The following STK39 variants were observed in gnomAD, a reference collection of about 807,000 sequenced individuals.
STK39 encodes STE20/SPS1-related proline-alanine-rich protein kinase.
In STK39, 20 loss-of-function variants were observed where a neutral mutation model predicts 77.8. The ratio of observed to expected loss-of-function variants is 0.26; its 90% CI spans 0.18 to 0.37. The LOEUF (loss-of-function observed/expected upper bound fraction) is 0.37. Ranked by LOEUF, STK39 falls within the 10% of genes least tolerant of loss-of-function variation. The pLI, the probability that STK39 is intolerant of heterozygous loss-of-function variation, is 1.00. For synonymous variants in STK39, 246 were observed against 234.1 expected (o/e 1.05, Z -0.47); for missense variants, 479 against 656.5 (o/e 0.73, Z 2.95).
At chr2:168,236,167 T>A (rs1439842993) in intron 1 of STK39, among the ~76,000 whole-genome samples, 1 of 152,166 alleles carries the variant, frequency 6.6e-6, no homozygotes, top group Non-Finnish European at 1.5e-5. Flanking sequence ...TGAGATGGTA[T>A]CTCATTGTGG....
At chr2:168,109,193 A>G (rs574981004) in intron 10 of STK39, among the ~76,000 whole-genome samples, 1 of 152,348 alleles carries the variant, frequency 6.6e-6, no homozygotes, top group South Asian at 2.1e-4. Context: ...ACCCAACTTA[A>G]AATATTGCTA....
chr2:168,080,258 G>T (rs1346729456), intron 10 of STK39, among the ~76,000 whole-genome samples: 1 of 152,174 alleles, frequency 6.6e-6, no homozygotes, highest in Non-Finnish European at 1.5e-5. Flanking sequence ...GGTGACTTGG[G>T]TGCTGTTAAA....
intron 16 of STK39, among the ~76,000 whole-genome samples, chr2:167,977,176 C>T (rs1683299362): frequency 6.6e-6 from 1 of 152,166 alleles, no homozygotes; most frequent in African/African-American, 2.4e-5. Flanking sequence ...CTGGCTGATA[C>T]TGGATCTGTC....
chr2:168,065,850 T>TA (rs1472229094), intron 12 of STK39, among the ~76,000 whole-genome samples: 4 of 152,188 alleles, frequency 2.6e-5, no homozygotes, highest in African/African-American at 9.7e-5. Flanking sequence ...TCACTGTATT[T>TA]AAAAAATACA....
At chr2:167,955,603 T>G in intron 17 of STK39, 33 bp from the exon 18 acceptor site, 4 of 1,603,654 alleles carry the variant, frequency 2.5e-6, no homozygotes, top group Non-Finnish European at 3.4e-6. Context: ...TCAATGCTGG[T>G]TTGCTGCTGC....
At chr2:168,241,941 C>T (rs1333403809) in intron 1 of STK39, among the ~76,000 whole-genome samples, 2 of 152,348 alleles carry the variant, frequency 1.3e-5, no homozygotes, top group Middle Eastern at 3.4e-3. Context: ...CATTGCAGGA[C>T]ATGAAACAGG....
chr2:168,091,857 C>T (rs1273632578), intron 10 of STK39, among the ~76,000 whole-genome samples: 1 of 152,100 alleles, frequency 6.6e-6, no homozygotes, highest in African/African-American at 2.4e-5. Flanking sequence ...TATCATTTTA[C>T]CTGTAAATAC....
chr2:168,082,842 T>C (rs1686272665), intron 10 of STK39, among the ~76,000 whole-genome samples: 1 of 152,182 alleles, frequency 6.6e-6, no homozygotes, highest in Non-Finnish European at 1.5e-5. Flanking sequence ...CCTAACCCAT[T>C]TGTTAATCCT....
chr2:168,242,561 ATATATATATATAT>A lies in STK39; in HGVS notation c.208+4654_208+4666del, dbSNP rs1170655422. On this transcript the variant is annotated intron_variant, in intron 1 of 17. Coordinates refer to ENST00000355999, the MANE Select transcript of STK39 (RefSeq NM_013233.3). ...AAGACTCTTACAAAAAAAAAAAAAA[ATATATATATATAT>A]ATATATATATATATATATATATAAA... 1.9e-4 allele frequency among the ~76,000 whole-genome samples: 13 copies of A among 68,268 alleles called. 2 individuals carry two copies. Among genetic ancestry groups the A allele is most frequent in the East Asian group, 5.3e-4 (1 of 1,898 alleles). The allele number at this position is 68,268 out of a possible 152,430, so 44.8% of individuals were successfully genotyped here.
Position 168,247,557 on chromosome 2 carries a change from C to CCGCCGCCGT in STK39, c.-123_-122insACGGCGGCG. 1 of 728,394 alleles carries CCGCCGCCGT rather than the reference C, an allele frequency of 1.4e-6. No individual in the cohort carries two copies. Among genetic ancestry groups the CCGCCGCCGT allele is most frequent in the Non-Finnish European group, 1.8e-6 (1 of 566,738 alleles). 45.1% of individuals were successfully genotyped at this position (728,394 alleles called of 1,614,324 possible). ...ACGCCCTCCCCGCCCGCCGCCGCCG[C>CCGCCGCCGT]CGCCGTCCCCGCCGAAGCCAGCTAG... On this transcript the variant is annotated 5_prime_UTR_variant, in exon 1 of 18. Transcript: ENST00000355999.
At chr2:168,167,073 T>A (rs572088073) in intron 3 of STK39, among the ~76,000 whole-genome samples, 2 of 152,110 alleles carry the variant, frequency 1.3e-5, no homozygotes, top group Non-Finnish European at 2.9e-5. Context: ...GGGCATTTCA[T>A]ACCTGGAGAA....
At chr2:168,157,218 A>G (rs1325535322) in intron 5 of STK39, among the ~76,000 whole-genome samples, 1 of 152,228 alleles carries the variant, frequency 6.6e-6, no homozygotes, top group Non-Finnish European at 1.5e-5. Context: ...CTCCCAGTAA[A>G]TAAGAGATGC....
At chr2:168,128,812 TG>T (rs1687609416) in intron 10 of STK39, among the ~76,000 whole-genome samples, 1 of 152,166 alleles carries the variant, frequency 6.6e-6, no homozygotes, top group Admixed American at 6.5e-5. Flanking sequence ...TAACTGTAAA[TG>T]GGGGTGAAGA....
chr2:167,995,087 TATTATATATATA>T (rs1683798950), intron 16 of STK39, among the ~76,000 whole-genome samples: 1 of 139,502 alleles, frequency 7.2e-6, no homozygotes, highest in Non-Finnish European at 1.6e-5. Context: ...AAAATATATA[TATTATATATATA>T]TTTTTCTTTT....
At chr2:167,995,769 C>T (rs1683823439) in intron 16 of STK39, among the ~76,000 whole-genome samples, 1 of 152,182 alleles carries the variant, frequency 6.6e-6, no homozygotes. Flanking sequence ...CCCTTCCAAG[C>T]AGTAATTCAA....
chr2:168,148,248 C>A (rs1038775808), intron 5 of STK39, among the ~76,000 whole-genome samples: 4 of 152,130 alleles, frequency 2.6e-5, no homozygotes, highest in African/African-American at 4.8e-5. Flanking sequence ...TGTTTGTTTT[C>A]TTTTTGTTTA....
intron 16 of STK39, among the ~76,000 whole-genome samples, chr2:167,983,408 T>C (rs1265916695): frequency 7.0e-6 from 1 of 142,882 alleles, no homozygotes; most frequent in Non-Finnish European, 1.5e-5. Context: ...GAACCCAGAT[T>C]GCGCCGTTGC....
intron 12 of STK39, among the ~76,000 whole-genome samples, chr2:168,072,535 T>C (rs1037708786): frequency 3.3e-5 from 5 of 152,194 alleles, no homozygotes; most frequent in Admixed American, 3.3e-4. Context: ...TTAAGGCTAT[T>C]ATATATTGTT....
intron 1 of STK39, among the ~76,000 whole-genome samples, chr2:168,208,334 T>C (rs2105690315): frequency 6.6e-6 from 1 of 152,300 alleles, no homozygotes; most frequent in South Asian, 2.1e-4. Flanking sequence ...AGTACACTTT[T>C]GGAGGCAGAC....
Sources: gnomAD v4.1 joint callset for allele counts (sites outside exome capture counted in the v4.1 genomes callset) on GRCh38, gnomAD v4.1.1 for gene constraint, MANE v1.5 for transcripts, NCBI Gene and HGNC (gene_info 2026-07-23, HGNC 2026-07-21) for gene names.